The following CWC27 variants were observed in gnomAD, a reference collection of about 807,000 sequenced individuals.
CWC27 encodes CWC27 spliceosome associated cyclophilin.
Under a neutral mutation model 63.6 loss-of-function variants are expected in CWC27, and 47 were observed. The ratio of observed to expected loss-of-function variants is 0.74; its 90% CI spans 0.58 to 0.94. The LOEUF (loss-of-function observed/expected upper bound fraction) is 0.94, where lower values mean the gene tolerates loss of function less well. CWC27 is among the 40% of genes least tolerant of loss of function. The probability of loss-of-function intolerance (pLI) is 0.00; values close to 1 mark genes in which losing one functional copy is unlikely to be tolerated. For synonymous variants in CWC27, 175 were observed against 179.8 expected, an observed-to-expected ratio of 0.97 and a Z score of 0.22; for missense variants, 495 against 554.3, an observed-to-expected ratio of 0.89 and a Z score of 1.07.
chr5:64,925,085 T>C (rs763998808), intron 11 of CWC27, among the ~76,000 whole-genome samples: 1 of 152,188 alleles, frequency 6.6e-6, no homozygotes, highest in East Asian at 1.9e-4. Flanking sequence ...AAAACATATG[T>C]GATCTTGGAC....
intron 11 of CWC27, among the ~76,000 whole-genome samples, chr5:64,948,667 T>A (rs770020774): frequency 3.9e-5 from 6 of 151,964 alleles, no homozygotes; most frequent in Non-Finnish European, 7.4e-5. Flanking sequence ...AGTCAAACAG[T>A]GTTAATAATT....
chr5:64,876,327 A>G (rs1746792695), intron 10 of CWC27, among the ~76,000 whole-genome samples: 2 of 152,128 alleles, frequency 1.3e-5, no homozygotes, highest in Admixed American at 1.3e-4. Flanking sequence ...TTCACTACAA[A>G]CAGATTGGAT....
At chr5:64,870,205 T>G (rs1476662302) in intron 10 of CWC27, among the ~76,000 whole-genome samples, 2 of 152,084 alleles carry the variant, frequency 1.3e-5, no homozygotes, top group Admixed American at 1.3e-4. Flanking sequence ...AGTTTATTCC[T>G]CATCATGGTT....
chr5:64,928,772 T>C (rs1043867588), intron 11 of CWC27, among the ~76,000 whole-genome samples: 1 of 152,228 alleles, frequency 6.6e-6, no homozygotes, highest in Admixed American at 6.5e-5. Flanking sequence ...CTAAATATTT[T>C]AGAAATTAAC....
In CWC27 at chr5:64,826,076, A is replaced by AATCTATCTGTCTATCTATCTATCT. The variant is rs1554070972; in HGVS notation, c.938+21698_938+21699insGTCTATCTATCTATCTATCTATCT. Among the ~76,000 whole-genome samples, 128 of 148,436 alleles carry AATCTATCTGTCTATCTATCTATCT rather than the reference A, an allele frequency of 8.6e-4. 1 individual carries two copies. Among genetic ancestry groups the AATCTATCTGTCTATCTATCTATCT allele is most frequent in the African/African-American group, 1.6e-3 (64 of 39,734 alleles). ...TTGTATAAGCTAATTCTTTGTAATA[A>AATCTATCTGTCTATCTATCTATCT]ATCTATCTATCTATCTATCTATCTA... is the stretch of plus-strand genomic sequence containing the variant. On this transcript the variant is annotated intron_variant, in intron 10 of 13. Transcript: ENST00000381070.
chr5:64,851,688 A>G (rs886505981), intron 10 of CWC27, among the ~76,000 whole-genome samples: 1 of 152,242 alleles, frequency 6.6e-6, no homozygotes, highest in Admixed American at 6.5e-5. Context: ...TTATCAATTT[A>G]CAATTTTAAA....
intron 13 of CWC27, among the ~76,000 whole-genome samples, chr5:65,009,096 T>G (rs1247605619): frequency 1.3e-5 from 2 of 152,158 alleles, no homozygotes; most frequent in East Asian, 3.8e-4. Context: ...CTCAGGCTGC[T>G]TCCACTCATG....
At chr5:64,814,095 G>C (rs553043275) in intron 10 of CWC27, among the ~76,000 whole-genome samples, 97 of 148,260 alleles carry the variant, frequency 6.5e-4, no homozygotes, top group Admixed American at 1.8e-3. Flanking sequence ...TTTTTTTTTA[G>C]GTCATCAACT....
intron 1 of CWC27, among the ~76,000 whole-genome samples, 180 bp from the exon 2 acceptor site, chr5:64,774,511 G>A (rs1406644784): frequency 1.3e-5 from 2 of 152,102 alleles, no homozygotes; most frequent in Non-Finnish European, 2.9e-5. Flanking sequence ...AGATCTAAAT[G>A]TACAATGAGT....
chr5:64,935,204 C>T (rs1748321321), intron 11 of CWC27, among the ~76,000 whole-genome samples: 1 of 152,098 alleles, frequency 6.6e-6, no homozygotes, highest in South Asian at 2.1e-4. Context: ...ATGGTAATGC[C>T]TAGGTTTTCT....
intron 10 of CWC27, among the ~76,000 whole-genome samples, chr5:64,880,854 A>ATTTTTT (rs35152901): frequency 1.8e-4 from 25 of 136,016 alleles, no homozygotes; most frequent in African/African-American, 6.5e-4. Context: ...TATAAAAGCC[A>ATTTTTT]TTTTTTTTTT....
At chr5:64,846,256 T>C (rs1473558302) in intron 10 of CWC27, among the ~76,000 whole-genome samples, 1 of 152,224 alleles carries the variant, frequency 6.6e-6, no homozygotes, top group East Asian at 1.9e-4. Context: ...ACTGTAGGAC[T>C]GTAATAATGG....
intron 11 of CWC27, among the ~76,000 whole-genome samples, chr5:64,910,594 G>A (rs1045042071): frequency 3.3e-5 from 5 of 152,310 alleles, no homozygotes; most frequent in African/African-American, 9.6e-5. Context: ...GCTGAGCTGC[G>A]GTGGGCTCCA....
chr5:64,882,819 A>T (rs970434188), intron 10 of CWC27, among the ~76,000 whole-genome samples: 5 of 152,044 alleles, frequency 3.3e-5, no homozygotes, highest in Non-Finnish European at 7.4e-5. Context: ...GATGGTCTCG[A>T]TCTCCTGACC....
chr5:64,856,824 ACT>A lies in CWC27; in HGVS notation c.939-28616_939-28615del, dbSNP rs988710104. Among the ~76,000 whole-genome samples the A allele has an allele frequency of 3.9e-3, 594 of 152,264 alleles. 2 individuals carry two copies. Among genetic ancestry groups the A allele is most frequent in the African/African-American group, 0.013 (555 of 41,560 alleles). On this transcript the variant is annotated intron_variant, in intron 10 of 13. Transcript: ENST00000381070. ...CTATAATAAATTCCATTTTTTTATA[ACT>A]CTGAAAATCAATTCTGCATTAAATT...
intron 11 of CWC27, among the ~76,000 whole-genome samples, chr5:64,942,451 A>G (rs1748502250): frequency 6.6e-6 from 1 of 151,162 alleles, no homozygotes; most frequent in Admixed American, 6.6e-5. Context: ...AAAAAAAAAA[A>G]AAAAAAAAAG....
intron 10 of CWC27, among the ~76,000 whole-genome samples, chr5:64,854,653 A>G (rs1323198778): frequency 1.3e-5 from 2 of 152,224 alleles, no homozygotes; most frequent in Non-Finnish European, 2.9e-5. Flanking sequence ...AATACAGTCT[A>G]TGTTCTGTGC....
At chr5:64,866,974 A>G (rs758772878) in intron 10 of CWC27, among the ~76,000 whole-genome samples, 1 of 152,060 alleles carries the variant, frequency 6.6e-6, no homozygotes, top group African/African-American at 2.4e-5. Flanking sequence ...TTGCTTTGAC[A>G]TTTTCTACGT....
chr5:64,864,323 G>A (rs1746485405), intron 10 of CWC27, among the ~76,000 whole-genome samples: 1 of 152,184 alleles, frequency 6.6e-6, no homozygotes, highest in African/African-American at 2.4e-5. Context: ...CTGGGCAAGA[G>A]CACCTCCTTG....
Sources: allele counts gnomAD v4.1 joint callset (sites outside exome capture counted in the v4.1 genomes callset), GRCh38; gene constraint gnomAD v4.1.1; transcripts MANE v1.5; gene names NCBI Gene and HGNC (gene_info 2026-07-23, HGNC 2026-07-21).